Variants in DYM observed in about 807,000 individuals in gnomAD.
The protein encoded by DYM is dyggve-Melchior-Clausen syndrome protein.
A neutral mutation model predicts 93.1 loss-of-function variants in DYM; 78 were observed. That is an observed-to-expected ratio of 0.84 (90% confidence interval 0.70 to 1.01). The LOEUF is 1.01. DYM is among the 50% of genes least tolerant of loss of function. The pLI is 0.00. For synonymous variants in DYM, 321 were observed against 319.7 expected (o/e 1.00, Z -0.04); for missense variants, 789 against 845.0 (o/e 0.93, Z 0.82).
At chr18:49,213,944 T>A (rs1418464828) in intron 13 of DYM, among the ~76,000 whole-genome samples, 2 of 152,222 alleles carry the variant, frequency 1.3e-5, no homozygotes, top group African/African-American at 4.8e-5. Context: ...ATATTAAGAA[T>A]GCAATTATCC....
At chr18:49,167,671 C>A (rs1237366632) in intron 14 of DYM, among the ~76,000 whole-genome samples, 1 of 151,994 alleles carries the variant, frequency 6.6e-6, no homozygotes, top group Non-Finnish European at 1.5e-5. Flanking sequence ...TAATGCTAAT[C>A]AGAATAAGGA....
intron 6 of DYM, among the ~76,000 whole-genome samples, chr18:49,345,383 G>T (rs930099001): frequency 6.6e-6 from 1 of 152,058 alleles, no homozygotes; most frequent in African/African-American, 2.4e-5. Context: ...ATAAATTTGG[G>T]GGACTACTGA....
chr18:49,073,283 C>T (rs1230898539), intron 17 of DYM, among the ~76,000 whole-genome samples: 1 of 152,046 alleles, frequency 6.6e-6, no homozygotes, highest in Admixed American at 6.6e-5. Flanking sequence ...ATATTTATGC[C>T]TAAAAATTTA....
At chr18:49,400,357 C>A (rs895301754) in intron 2 of DYM, among the ~76,000 whole-genome samples, 3 of 152,182 alleles carry the variant, frequency 2.0e-5, no homozygotes, top group Admixed American at 2.0e-4. Flanking sequence ...ACCTGCCATT[C>A]TGTGACTATG....
chr18:49,237,124 G>C (rs951734840), intron 13 of DYM, among the ~76,000 whole-genome samples: 8 of 152,032 alleles, frequency 5.3e-5, no homozygotes, highest in Admixed American at 3.3e-4. Context: ...AGTACTAAAG[G>C]ACTGTACACA....
At chr18:49,411,313 C>T (rs530368743) in intron 2 of DYM, among the ~76,000 whole-genome samples, 1 of 152,208 alleles carries the variant, frequency 6.6e-6, no homozygotes, top group Admixed American at 6.5e-5. Context: ...AGTATATCTA[C>T]ATTATAATTC....
chr18:49,342,197 T>C (rs2064216791), intron 6 of DYM, among the ~76,000 whole-genome samples: 1 of 152,186 alleles, frequency 6.6e-6, no homozygotes, highest in Non-Finnish European at 1.5e-5. Context: ...TCTTGGCTTC[T>C]AGGGGTCACC....
chr18:49,242,417 A>T (rs2144736414), intron 13 of DYM, among the ~76,000 whole-genome samples: 1 of 152,310 alleles, frequency 6.6e-6, no homozygotes, highest in East Asian at 1.9e-4. Context: ...GTCTCAAAAA[A>T]TAATAATAAC....
chr18:49,398,058 A>C (rs2070331646), intron 2 of DYM, among the ~76,000 whole-genome samples: 1 of 152,216 alleles, frequency 6.6e-6, no homozygotes, highest in South Asian at 2.1e-4. Flanking sequence ...ACTATAGTGA[A>C]TATCCCGTTA....
At chr18:49,324,863 C>A (rs2062773346) in intron 8 of DYM, among the ~76,000 whole-genome samples, 1 of 152,060 alleles carries the variant, frequency 6.6e-6, no homozygotes, top group Non-Finnish European at 1.5e-5. Context: ...CTCACTTATT[C>A]CTCACAATAA....
intron 17 of DYM, among the ~76,000 whole-genome samples, chr18:49,068,808 C>A (rs2076667824): frequency 6.6e-6 from 1 of 152,154 alleles, no homozygotes; most frequent in Non-Finnish European, 1.5e-5. Context: ...GATTACATTC[C>A]AAGCCATCTT....
rs35549109 is a variant in DYM, at chr18:49,184,239, A to AT, written c.1626-20453dup. Among the ~76,000 whole-genome samples, 99 of 148,186 alleles carry AT rather than the reference A, an allele frequency of 6.7e-4. No homozygotes were observed. In the South Asian group the frequency reaches 0.012, roughly 18 times the overall value. On this transcript the variant is annotated intron_variant, in intron 14 of 17. Transcript: ENST00000675505. ...GAAAAACAAAAAAACAAAAAACAAA[A>AT]TTTTTTTTTTTTTGGCGGGGGAAGG...
At chr18:49,180,860 C>T (rs773574500) in intron 14 of DYM, among the ~76,000 whole-genome samples, 1 of 152,004 alleles carries the variant, frequency 6.6e-6, no homozygotes, top group Non-Finnish European at 1.5e-5. Context: ...ATGTAAAAAC[C>T]CTTAAGAGAG....
chr18:49,279,233 T>C (rs2094914922), intron 10 of DYM, among the ~76,000 whole-genome samples: 1 of 152,206 alleles, frequency 6.6e-6, no homozygotes, highest in Non-Finnish European at 1.5e-5. Flanking sequence ...GAATCCAAGT[T>C]AGCCAACACC....
intron 2 of DYM, among the ~76,000 whole-genome samples, chr18:49,411,283 A>G (rs561587524): frequency 6.6e-6 from 1 of 152,334 alleles, no homozygotes; most frequent in East Asian, 1.9e-4. Flanking sequence ...AAGTTGTGTC[A>G]CACATAAATT....
At position 49,409,298 on chromosome 18, in the gene DYM, A is replaced by AG. The variant is rs1337323613; in HGVS notation, c.141-17654_141-17653insC. 1.0e-3 allele frequency among the ~76,000 whole-genome samples: 157 copies of AG among 150,856 alleles called. No homozygotes were observed. The East Asian group carries it at 0.017, about 16-fold the overall frequency. Reference sequence around the variant, plus strand: ...GACTCTGTCTCAAAAAAAAAAAAAAAAGAAAAAAAAGAAAAAAACTTAGCA... The same window carrying AG: ...GACTCTGTCTCAAAAAAAAAAAAAAAGAGAAAAAAAAGAAAAAAACTTAGCA... On this transcript the variant is annotated intron_variant, in intron 2 of 17. Transcript: ENST00000675505.
At chr18:49,317,870 T>C (rs77317783) in intron 8 of DYM, among the ~76,000 whole-genome samples, 21,959 of 151,572 alleles carry the variant, frequency 0.14, 2,182 homozygotes, top group East Asian at 0.46. Flanking sequence ...TAACCCAGGC[T>C]CTCTGCTAAT....
intron 8 of DYM, among the ~76,000 whole-genome samples, chr18:49,322,158 C>T (rs1242790959): frequency 2.0e-5 from 3 of 152,034 alleles, no homozygotes; most frequent in Admixed American, 1.3e-4. Flanking sequence ...AAGAAATAAA[C>T]ACTCCTTTGG....
intron 15 of DYM, among the ~76,000 whole-genome samples, chr18:49,160,973 A>G (rs544198830): frequency 3.9e-5 from 6 of 152,244 alleles, no homozygotes; most frequent in Non-Finnish European, 7.4e-5. Context: ...CTCCTACTGA[A>G]TCAGTGCTAA....
Sources: gnomAD v4.1 joint callset for allele counts (sites outside exome capture counted in the v4.1 genomes callset) on GRCh38, gnomAD v4.1.1 for gene constraint, MANE v1.5 for transcripts, NCBI Gene and HGNC (gene_info 2026-07-23, HGNC 2026-07-21) for gene names.